Variants in LY6L observed in about 807,000 individuals in gnomAD.
LY6L encodes the protein lymphocyte antigen 6L.
A neutral mutation model predicts 8.3 loss-of-function variants in LY6L; 8 were observed. The observed-to-expected ratio is 0.97, with a 90% CI of 0.57 to 1.74. The LOEUF is 1.74. LY6L is among the 40% of genes most tolerant of loss of function. LY6L has a pLI of 0.00. For synonymous variants in LY6L, 79 were observed against 77.9 expected (o/e 1.01, Z -0.07); for missense variants, 156 against 183.8 (o/e 0.85, Z 0.87).
Position 143,082,672 on chromosome 8 carries a change from C to T in LY6L, c.*21C>T, listed in dbSNP as rs957796179. ...TGTGAGGGCCCTCCCTTTACGCCCC[C>T]TCCTGGCCCTGCTGGCCCATCCCGT... On this transcript the variant is annotated 3_prime_UTR_variant, in exon 4 of 4. Transcript: ENST00000562505. 4.2e-6 allele frequency: 6 copies of T among 1,441,184 alleles called. No homozygotes were observed. The highest frequency in any genetic ancestry group is 2.9e-5 in the African/African-American group (2 of 70,104). The allele number at this position is 1,441,184 out of a possible 1,614,324, so 89.3% of individuals were successfully genotyped here. A position where few individuals can be genotyped will look rare whatever the true frequency, so the allele number is the denominator to read the frequency against.
chr8:143,081,317 C>G lies in LY6L; in HGVS notation c.180C>G (p.Val60=), dbSNP rs972622385. 35 of 1,527,410 alleles carry G rather than the reference C, an allele frequency of 2.3e-5. No homozygotes were observed. In the Admixed American group the frequency reaches 3.8e-4, roughly 16 times the overall value. 94.6% of individuals were successfully genotyped at this position (1,527,410 alleles called of 1,614,324 possible). ...LDQVCISNEV[V]VSFKWSVRVL... is the part of the protein sequence containing the mutation. Reference sequence around the variant, plus strand: ...AAGTCTGCATCTCCAACGAGGTGGTCGTCTCTTTTAGTGAGTCCCCCCCGG... The same window carrying G: ...AAGTCTGCATCTCCAACGAGGTGGTGGTCTCTTTTAGTGAGTCCCCCCCGG... The change falls in exon 3 of 4, where the codon GTC becomes GTG. Residue 60 remains valine, a synonymous_variant. Transcript: ENST00000562505.
chr8:143,082,743 T>TGG lies in LY6L; in HGVS notation c.*99_*100dup. The TGG allele has an allele frequency of 1.9e-6, 2 of 1,043,640 alleles. 1 individual carries two copies. The highest frequency in any genetic ancestry group is 5.5e-5 in the East Asian group (2 of 36,626). The allele number at this position is 1,043,640 out of a possible 1,614,324, so 64.6% of individuals were successfully genotyped here. A position where few individuals can be genotyped will look rare whatever the true frequency, so the allele number is the denominator to read the frequency against. On this transcript the variant is annotated 3_prime_UTR_variant, in exon 4 of 4. Transcript: ENST00000562505. Reference sequence around the variant, plus strand: ...CCTGCCTCCGCCCCTTCCAGGACACTGGGGGGGGACCCTCCCTCTCTGAGG... The same window carrying TGG: ...CCTGCCTCCGCCCCTTCCAGGACACTGGGGGGGGGGACCCTCCCTCTCTGAGG...
Position 143,081,275 on chromosome 8 carries a change from G to A in LY6L, c.138G>A (p.Trp46Ter). The A allele has an allele frequency of 6.5e-7, 1 of 1,533,984 alleles. No homozygotes were observed. Among genetic ancestry groups the A allele is most frequent in the Non-Finnish European group, 8.7e-7 (1 of 1,145,730 alleles). ...VSSWTECPPTWCSPLDQVCIS... is the reference protein window; with the variant it reads ...VSSWTECPPT ...GCTGGACGGAGTGCCCGCCCACCTG[G>A]TGCAGCCCGCTGGACCAAGTCTGCA... Residue 46 changes from tryptophan to a stop codon, truncating the protein, a stop_gained, in exon 3 of 4, where the codon TGG (tryptophan) becomes TGA (stop). Transcript: ENST00000562505. LOFTEE classifies it high-confidence loss of function.
At chr8:143,081,988 T>G (rs1172707404) in intron 3 of LY6L, among the ~76,000 whole-genome samples, 2 of 152,158 alleles carry the variant, frequency 1.3e-5, no homozygotes, top group Admixed American at 1.3e-4. Flanking sequence ...TGCCATGTCT[T>G]TAAGTGAGCA....
At chr8:143,081,418 G>A (rs1226946230) in intron 3 of LY6L, 91 bp downstream of exon 3, 2 of 803,418 alleles carry the variant, frequency 2.5e-6, no homozygotes, top group East Asian at 2.8e-5. Context: ...AGTCCTCGGC[G>A]CTCCAGGGCC....
chr8:143,082,641 C>T lies in LY6L; in HGVS notation c.407C>T (p.Ala136Val). The T allele has an allele frequency of 2.0e-6, 3 of 1,494,970 alleles. No homozygotes were observed. Among genetic ancestry groups the T allele is most frequent in the African/African-American group, 1.4e-5 (1 of 71,802 alleles). The allele number at this position is 1,494,970 out of a possible 1,614,324, so 92.6% of individuals were successfully genotyped here. A position where few individuals can be genotyped will look rare whatever the true frequency, so the allele number is the denominator to read the frequency against. ...LLQVGLSLLR[A>V]LL ...CAGGTGGGCCTCAGCCTCCTCAGGG[C>T]CCTGTTGTGAGGGCCCTCCCTTTAC... The change falls in exon 4 of 4, where the codon GCC becomes GTC. Residue 136 changes from alanine to valine, a missense_variant. Ala to Val is a moderately conservative substitution (Grantham distance 64). Transcript: ENST00000562505.
intron 1 of LY6L, among the ~76,000 whole-genome samples, 165 bp from the exon 2 acceptor site, chr8:143,080,871 G>C (rs1820415626): frequency 6.6e-6 from 1 of 152,010 alleles, no homozygotes. Context: ...AGGAGCGCAG[G>C]AGGCTGGAGG....
chr8:143,080,991 C>T (rs1820418448), intron 1 of LY6L, 45 bp from the exon 2 acceptor site: 2 of 1,385,666 alleles, frequency 1.4e-6, no homozygotes, highest in Non-Finnish European at 2.0e-6. Flanking sequence ...GGGGAGGGGG[C>T]TCTCTGGGTG....
intron 3 of LY6L, among the ~76,000 whole-genome samples, chr8:143,082,118 C>T (rs904070518): frequency 5.3e-5 from 8 of 152,224 alleles, no homozygotes; most frequent in Non-Finnish European, 1.0e-4. Flanking sequence ...CCGGGGCCGG[C>T]AGGGGTGGTC....
At position 143,082,815 on chromosome 8, in the gene LY6L, C is replaced by G. The variant is rs1025294454; in HGVS notation, c.*164C>G. ...CTCCATCCCGGATCTAGCCACCTCA[C>G]TCCTCCCCACCGGGGGCCCCTTTGC... is the stretch of plus-strand genomic sequence containing the variant. On this transcript the variant is annotated 3_prime_UTR_variant, in exon 4 of 4. Coordinates refer to ENST00000562505, the MANE Select transcript of LY6L (RefSeq NM_001368160.2). 1 of 596,914 alleles carries G rather than the reference C, an allele frequency of 1.7e-6. No homozygotes were observed. Among genetic ancestry groups the G allele is most frequent in the Non-Finnish European group, 2.8e-6 (1 of 360,848 alleles). The allele number at this position is 596,914 out of a possible 1,614,324, so 37.0% of individuals were successfully genotyped here.
At chr8:143,082,032 G>C (rs1820438723) in intron 3 of LY6L, among the ~76,000 whole-genome samples, 1 of 152,200 alleles carries the variant, frequency 6.6e-6, no homozygotes, top group African/African-American at 2.4e-5. Flanking sequence ...TGGGCACCCA[G>C]CCCAGCAGGT....
rs774744050 is a variant in LY6L, at chr8:143,081,093, G to C, written c.40G>C (p.Ala14Pro). ...CCTAACCCTGTGCACCCTCCCGCTG[G>C]CTGTGGCGTCTGCTGGCTGCGCCAC... is the stretch of plus-strand genomic sequence containing the variant. ...LVLTLCTLPL[A>P]VASAGCATTP... Residue 14 changes from alanine to proline, a missense_variant, in exon 2 of 4, where the codon GCT becomes CCT. Coordinates refer to ENST00000562505, the MANE Select transcript of LY6L (RefSeq NM_001368160.2). 1 of 1,534,966 alleles carries C rather than the reference G, an allele frequency of 6.5e-7. No individual in the cohort carries two copies. The highest frequency in any genetic ancestry group is 1.2e-5 in the South Asian group (1 of 84,046).
intron 1 of LY6L, 70 bp from the exon 2 acceptor site, chr8:143,080,966 C>T: frequency 4.2e-6 from 5 of 1,189,710 alleles, no homozygotes; most frequent in East Asian, 2.6e-5. Context: ...AAGCCCCGTC[C>T]GGGAGCAGGA....
intron 1 of LY6L, 74 bp from the exon 2 acceptor site, chr8:143,080,962 C>A: frequency 1.7e-6 from 2 of 1,152,754 alleles, no homozygotes; most frequent in Non-Finnish European, 1.2e-6. Flanking sequence ...AGTAAAGCCC[C>A]GTCCGGGAGC....
In LY6L at chr8:143,083,095, C is replaced by T. The variant is rs61573766; in HGVS notation, c.*444C>T. 0.095 allele frequency: 16,082 copies of T among 169,536 alleles called. 1,136 individuals are homozygous for T. Among genetic ancestry groups the T allele is most frequent in the African/African-American group, 0.23 (8,188 of 36,140 alleles). 10.5% of individuals were successfully genotyped at this position (169,536 alleles called of 1,614,324 possible). A position where few individuals can be genotyped will look rare whatever the true frequency, so the allele number is the denominator to read the frequency against. On this transcript the variant is annotated 3_prime_UTR_variant, in exon 4 of 4. Coordinates refer to ENST00000562505, the MANE Select transcript of LY6L (RefSeq NM_001368160.2). The stretch of plus-strand genomic sequence containing the variant: ...CCTCCGGTGTGGGTGATGGGAAGGA[C>T]GGTACCTCCGGTGTGGGTGACGGGA...
intron 3 of LY6L, among the ~76,000 whole-genome samples, chr8:143,081,630 G>A (rs924028054): frequency 3.3e-5 from 5 of 152,316 alleles, no homozygotes; most frequent in Non-Finnish European, 5.9e-5. Context: ...TGTTCGAGGC[G>A]ATGGGTTATC....
rs1024925967 is a variant in LY6L at position 143,082,609 on chromosome 8, C to T, written c.375C>T (p.Leu125=). 3.9e-6 allele frequency: 6 copies of T among 1,523,554 alleles called. No homozygotes were observed. Among genetic ancestry groups the T allele is most frequent in the Non-Finnish European group, 3.5e-6 (4 of 1,137,606 alleles). 94.4% of individuals were successfully genotyped at this position (1,523,554 alleles called of 1,614,324 possible). A position where few individuals can be genotyped will look rare whatever the true frequency, so the allele number is the denominator to read the frequency against. Residue 125 remains leucine, a synonymous_variant, in exon 4 of 4, where the codon CTC becomes CTT. Coordinates refer to ENST00000562505, the MANE Select transcript of LY6L (RefSeq NM_001368160.2). The stretch of plus-strand genomic sequence containing the variant: ...GGCGCTGGGCCCTGCGAGGGGGGCT[C>T]CTGCTCCAGGTGGGCCTCAGCCTCC... ...QEGRWALRGG[L]LLQVGLSLLR... is the part of the protein sequence containing the mutation.
chr8:143,082,023 G>A (rs1431525821), intron 3 of LY6L, among the ~76,000 whole-genome samples: 1 of 152,158 alleles, frequency 6.6e-6, no homozygotes, highest in African/African-American at 2.4e-5. Flanking sequence ...GCCCAGGGCT[G>A]GGCACCCAGC....
chr8:143,081,361 G>A, intron 3 of LY6L, 34 bp downstream of exon 3: 1 of 1,370,228 alleles, frequency 7.3e-7, no homozygotes, highest in South Asian at 1.4e-5. Context: ...CAGGTGCCAG[G>A]TGCCGGGGAA....
Sources: gnomAD v4.1 joint callset for allele counts (sites outside exome capture counted in the v4.1 genomes callset) on GRCh38, gnomAD v4.1.1 for gene constraint, MANE v1.5 for transcripts, NCBI Gene and HGNC (gene_info 2026-07-23, HGNC 2026-07-21) for gene names.